Variants in SMYD3 observed in about 807,000 individuals in gnomAD.
SMYD3 encodes histone-lysine N-methyltransferase SMYD3.
Under a neutral mutation model 57.7 loss-of-function variants are expected in SMYD3, and 36 were observed. The ratio of observed to expected loss-of-function variants is 0.62; its 90% CI spans 0.48 to 0.82. The LOEUF is 0.82. Among genes scored for constraint, SMYD3 ranks in the 40% least tolerant of loss-of-function variants. The probability of loss-of-function intolerance (pLI) is 0.00; values close to 1 mark genes in which losing one functional copy is unlikely to be tolerated. For missense variants in SMYD3, 515 were observed against 538.8 expected, an observed-to-expected ratio of 0.96 and a Z score of 0.44; for synonymous variants, 211 against 195.0, an observed-to-expected ratio of 1.08 and a Z score of -0.68.
chr1:245,895,740 C>A (rs2053734122), intron 8 of SMYD3, among the ~76,000 whole-genome samples: 1 of 152,230 alleles, frequency 6.6e-6, no homozygotes, highest in African/African-American at 2.4e-5. Context: ...TGATGTACAG[C>A]CCACATGGGA....
At chr1:245,777,200 C>T (rs1423354929) in intron 10 of SMYD3, among the ~76,000 whole-genome samples, 1 of 152,024 alleles carries the variant, frequency 6.6e-6, no homozygotes, top group African/African-American at 2.4e-5. Context: ...AGTGCCTTTG[C>T]CTCATGTCAG....
intron 5 of SMYD3, among the ~76,000 whole-genome samples, chr1:245,935,517 G>C (rs1400301173): frequency 6.6e-6 from 1 of 152,138 alleles, no homozygotes; most frequent in Non-Finnish European, 1.5e-5. Flanking sequence ...AAATAGAACT[G>C]CCATATAATC....
intron 1 of SMYD3, among the ~76,000 whole-genome samples, chr1:246,480,562 C>G (rs1478514761): frequency 6.6e-6 from 1 of 152,070 alleles, no homozygotes; most frequent in Non-Finnish European, 1.5e-5. Flanking sequence ...AGTTCCTATT[C>G]CGAGAGAAAG....
chr1:245,958,592 C>G (rs868328757), intron 5 of SMYD3, among the ~76,000 whole-genome samples: 1 of 152,166 alleles, frequency 6.6e-6, no homozygotes, highest in Non-Finnish European at 1.5e-5. Flanking sequence ...TCTCCTCCTC[C>G]GTAGCAAAGT....
At chr1:246,336,990 T>C (rs942171656) in intron 2 of SMYD3, among the ~76,000 whole-genome samples, 4 of 152,204 alleles carry the variant, frequency 2.6e-5, no homozygotes, top group African/African-American at 9.6e-5. Flanking sequence ...ATTCCAAGAA[T>C]GCTAATCAAC....
intron 5 of SMYD3, among the ~76,000 whole-genome samples, chr1:246,033,973 G>A (rs144897607): frequency 3.3e-5 from 5 of 152,006 alleles, no homozygotes; most frequent in Admixed American, 6.5e-5. Flanking sequence ...AAAATAAAAG[G>A]TTTACTTCAA....
At chr1:246,459,920 A>C (rs1338260928) in intron 1 of SMYD3, among the ~76,000 whole-genome samples, 4 of 76,788 alleles carry the variant, frequency 5.2e-5, no homozygotes, top group African/African-American at 2.8e-4. Context: ...CCGCCACCCA[A>C]AAAAAAAAAA....
chr1:245,969,160 T>G (rs773131884), intron 5 of SMYD3, among the ~76,000 whole-genome samples: 1 of 152,240 alleles, frequency 6.6e-6, no homozygotes, highest in African/African-American at 2.4e-5. Flanking sequence ...AAAATAACTT[T>G]GCTAGCTTTC....
At chr1:245,980,447 G>A (rs1200421620) in intron 5 of SMYD3, among the ~76,000 whole-genome samples, 1 of 152,248 alleles carries the variant, frequency 6.6e-6, no homozygotes, top group Non-Finnish European at 1.5e-5. Flanking sequence ...CGAAGTCATT[G>A]TGTTGGAAGG....
intron 10 of SMYD3, among the ~76,000 whole-genome samples, chr1:245,808,275 C>T (rs908390387): frequency 5.3e-5 from 8 of 152,122 alleles, no homozygotes; most frequent in African/African-American, 1.7e-4. Flanking sequence ...GAGCCTGGCA[C>T]CAATATGGGC....
chr1:245,872,435 G>T (rs61830209), intron 8 of SMYD3, among the ~76,000 whole-genome samples: 88,978 of 128,308 alleles, frequency 0.69, 29,292 homozygotes, highest in Non-Finnish European at 0.79. Context: ...AGTTCCTGCC[G>T]CCTTCTCCTT....
chr1:245,903,947 CGCTGT>C (rs1553356964), intron 8 of SMYD3, among the ~76,000 whole-genome samples: 1 of 152,192 alleles, frequency 6.6e-6, no homozygotes, highest in Non-Finnish European at 1.5e-5. Flanking sequence ...ACATTTTCCC[CGCTGT>C]CTTGGTGATT....
chr1:246,303,740 C>A (rs2064934511), intron 5 of SMYD3, among the ~76,000 whole-genome samples: 1 of 152,048 alleles, frequency 6.6e-6, no homozygotes, highest in Non-Finnish European at 1.5e-5. Flanking sequence ...TAAATATCAG[C>A]TATTATTATT....
intron 5 of SMYD3, among the ~76,000 whole-genome samples, chr1:246,235,381 T>G (rs2063498043): frequency 6.6e-6 from 1 of 152,220 alleles, no homozygotes; most frequent in South Asian, 2.1e-4. Context: ...CTGAATATGT[T>G]GCAAAAGTGT....
chr1:246,459,918 C>CAAAAA (rs35958617), intron 1 of SMYD3, among the ~76,000 whole-genome samples: 3 of 88,918 alleles, frequency 3.4e-5, no homozygotes, highest in Admixed American at 1.3e-4. Context: ...TTCCGCCACC[C>CAAAAA]AAAAAAAAAA....
chr1:246,384,369 T>C (rs139393414), intron 1 of SMYD3, among the ~76,000 whole-genome samples: 74 of 152,198 alleles, frequency 4.9e-4, no homozygotes, highest in African/African-American at 1.7e-3. Flanking sequence ...AATGTAACCA[T>C]TGAACAAAAT....
At chr1:246,378,783 ATTTAATATATTAT>A (rs2066331426) in intron 1 of SMYD3, among the ~76,000 whole-genome samples, 1 of 119,422 alleles carries the variant, frequency 8.4e-6, no homozygotes, top group Non-Finnish European at 1.6e-5. Flanking sequence ...AATTTAATAT[ATTTAATATATTAT>A]TTTTATATAT....
At chr1:246,375,816 G>A (rs112928196) in intron 1 of SMYD3, among the ~76,000 whole-genome samples, 23,836 of 151,860 alleles carry the variant, frequency 0.16, 2,132 homozygotes, top group East Asian at 0.3. Context: ...TGCAACCTCC[G>A]CCCCCTGGGT....
intron 5 of SMYD3, among the ~76,000 whole-genome samples, chr1:246,278,224 C>T (rs987338591): frequency 2.0e-5 from 3 of 148,576 alleles, no homozygotes; most frequent in African/African-American, 2.5e-5. Context: ...TGTCCCTTTC[C>T]GTCTCCCCTC....
Sources: gnomAD v4.1 joint callset for allele counts (sites outside exome capture counted in the v4.1 genomes callset) on GRCh38, gnomAD v4.1.1 for gene constraint, MANE v1.5 for transcripts, NCBI Gene and HGNC (gene_info 2026-07-23, HGNC 2026-07-21) for gene names.